The following ATN1 variants were observed in gnomAD, a reference collection of about 807,000 sequenced individuals.
ATN1 encodes the protein atrophin 1.
In ATN1, 19 loss-of-function variants were observed where a neutral mutation model predicts 85.8. That is an observed-to-expected ratio of 0.22 (90% CI 0.15 to 0.32). The LOEUF is 0.32. Among genes scored for constraint, ATN1 ranks in the 10% least tolerant of loss-of-function variants. ATN1 has a pLI of 1.00. For missense variants in ATN1, 1,453 were observed against 1,564.5 expected (o/e 0.93, Z 1.20); for synonymous variants, 674 against 657.0 (o/e 1.03, Z -0.39).
Position 6,935,842 on chromosome 12 carries a change from C to T in ATN1, c.575C>T (p.Thr192Ile). The T allele has an allele frequency of 6.2e-7, 1 of 1,613,952 alleles. No individual in the cohort carries two copies. Among genetic ancestry groups the T allele is most frequent in the Non-Finnish European group, 8.5e-7 (1 of 1,179,882 alleles). ...GAACCCCATCCTTCTGTGACACCCACTGGATATCATGCTCCCATGGAGCCC... is the reference window on the plus strand; with the variant it reads ...GAACCCCATCCTTCTGTGACACCCATTGGATATCATGCTCCCATGGAGCCC... ...SFEPHPSVTPTGYHAPMEPPT... is the reference protein window; with the variant it reads ...SFEPHPSVTPIGYHAPMEPPT... Residue 192 changes from threonine to isoleucine, a missense_variant, in exon 5 of 10, where the codon ACT becomes ATT. Physicochemically the swap from Thr to Ile is moderately conservative, Grantham distance 89 (BLOSUM62 -1). Coordinates refer to ENST00000396684, the MANE Select transcript of ATN1 (RefSeq NM_001940.4). The surrounding 1 kb of genome is among the most constrained non-coding windows in gnomAD (Gnocchi z 5.3).
In ATN1 at chr12:6,937,405, C is replaced by T. The variant is rs988352364; in HGVS notation, c.2138C>T (p.Ala713Val). 5.8e-6 allele frequency: 9 copies of T among 1,547,964 alleles called. No individual in the cohort carries two copies. The highest frequency in any genetic ancestry group is 7.8e-6 in the Non-Finnish European group (9 of 1,147,638). Reference protein sequence around the residue: ...SGLPSLPPPPAAPASGPPLSA... With the variant: ...SGLPSLPPPPVAPASGPPLSA... ...CTGCCATCGCTGCCACCACCACCTG[C>T]GGCCCCTGCCTCAGGGCCGCCCCTG... Residue 713 changes from alanine to valine, a missense_variant, in exon 5 of 10, where the codon GCG (alanine) becomes GTG (valine). Ala to Val is a moderately conservative substitution (Grantham distance 64, BLOSUM62 0). This residue lies in a region of ATN1 where 990 missense variants were observed against 914.8 expected (regional missense o/e 1.08). Transcript: ENST00000396684. The surrounding 1 kb of genome is among the most constrained non-coding windows in gnomAD (Gnocchi z 6.0).
intron 1 of ATN1, among the ~76,000 whole-genome samples, chr12:6,933,582 T>A (rs1555143237): frequency 6.6e-6 from 1 of 152,240 alleles, no homozygotes; most frequent in African/African-American, 2.4e-5. Flanking sequence ...TGTGATCTCC[T>A]GGATTGGGGC....
intron 7 of ATN1, among the ~76,000 whole-genome samples, chr12:6,939,611 C>T (rs1409080864): frequency 2.0e-5 from 3 of 152,196 alleles, no homozygotes; most frequent in Non-Finnish European, 4.4e-5. Context: ...AAGTGATCCT[C>T]CTACCTCAGC....
At chr12:6,927,749 T>C (rs781915751), upstream of ATN1, among the ~76,000 whole-genome samples, 163 of 150,456 alleles carry the variant, frequency 1.1e-3, 1 homozygote, top group Middle Eastern at 3.4e-3. Context: ...TCCTTCTCCC[T>C]CTTCCTCCCT....
At position 6,936,218 on chromosome 12, in the gene ATN1, C is replaced by T; in HGVS notation, c.951C>T (p.Pro317=). Residue 317 remains proline (P), a synonymous_variant, in exon 5 of 10, where the codon CCC becomes CCT. Coordinates refer to ENST00000396684, the MANE Select transcript of ATN1 (RefSeq NM_001940.4). ...CCCTCAACAATGCATCAGCCTCTCC[C>T]CCTGGCCTGGGGGCCCAACCACTAC... is the stretch of plus-strand genomic sequence containing the variant. The part of the protein sequence containing the change: ...LRPLNNASAS[P]PGLGAQPLPG... The T allele has an allele frequency of 6.2e-7, 1 of 1,600,510 alleles. No homozygotes were observed.
rs1203125758 is a variant in ATN1, at chr12:6,935,048, C to T, written c.279+470C>T. 2.0e-5 allele frequency among the ~76,000 whole-genome samples: 3 copies of T among 152,072 alleles called. No individual in the cohort carries two copies. Among genetic ancestry groups the T allele is most frequent in the Non-Finnish European group, 4.4e-5 (3 of 68,022 alleles). On this transcript the variant is annotated intron_variant, in intron 4 of 9. Coordinates refer to ENST00000396684, the MANE Select transcript of ATN1 (RefSeq NM_001940.4). This position sits in a 1 kb window ranked among gnomAD's most constrained non-coding sequence, Gnocchi z 5.3. ...GATTATAGGCATGAGCCACCATGCC[C>T]GGCTAATTTTTGTATTTTTGGTAGA...
chr12:6,930,261 T>G (rs1363470190), intron 1 of ATN1, among the ~76,000 whole-genome samples: 1 of 152,176 alleles, frequency 6.6e-6, no homozygotes, highest in South Asian at 2.1e-4. Context: ...GCTGCATTGT[T>G]ATCTAGGAGT....
chr12:6,937,661 T>C lies in ATN1; in HGVS notation c.2294+100T>C, dbSNP rs1945568452. On this transcript the variant is annotated intron_variant, in intron 5 of 9. Coordinates refer to ENST00000396684, the MANE Select transcript of ATN1 (RefSeq NM_001940.4). This position sits in a 1 kb window ranked among gnomAD's most constrained non-coding sequence, Gnocchi z 6.0. ...AGGGAGGGGCCTTGCGCTGGTGTAG[T>C]GTTTTAGAAAAGCACGCCCCTCTCC... is the stretch of plus-strand genomic sequence containing the variant. 1 of 1,429,190 alleles carries C rather than the reference T, an allele frequency of 7.0e-7. No homozygotes were observed. Among genetic ancestry groups the C allele is most frequent in the Non-Finnish European group, 9.2e-7 (1 of 1,089,714 alleles). The allele number at this position is 1,429,190 out of a possible 1,614,324, so 88.5% of individuals were successfully genotyped here.
At chr12:6,938,199 G>C in intron 6 of ATN1, 132 bp downstream of exon 6, 2 of 1,431,924 alleles carry the variant, frequency 1.4e-6, no homozygotes, top group Non-Finnish European at 9.1e-7. Flanking sequence ...ACCTGTCGGA[G>C]GGGAGGTACC....
At position 6,941,171 on chromosome 12, in the gene ATN1, G is replaced by C; in HGVS notation, c.3358+148G>C. The stretch of plus-strand genomic sequence containing the variant: ...ATGGGAATAGGAGAGCTGGAGCTCT[G>C]CCCAAGAGAAGCACGAGTTTTAGTG... On this transcript the variant is annotated intron_variant, in intron 8 of 9. Transcript: ENST00000396684. The surrounding 1 kb of genome is among the most constrained non-coding windows in gnomAD (Gnocchi z 5.9). 2 of 1,247,800 alleles carry C rather than the reference G, an allele frequency of 1.6e-6. No individual in the cohort carries two copies. The highest frequency in any genetic ancestry group is 2.2e-6 in the Non-Finnish European group (2 of 915,970). The allele number at this position is 1,247,800 out of a possible 1,614,324, so 77.3% of individuals were successfully genotyped here.
rs1555143880 is a variant in ATN1 at position 6,937,076 on chromosome 12, G to T, written c.1809G>T (p.Pro603=). 1.9e-6 allele frequency: 3 copies of T among 1,613,098 alleles called. No homozygotes were observed. The highest frequency in any genetic ancestry group is 2.2e-5 in the East Asian group (1 of 44,862). Residue 603 remains proline (P), a synonymous_variant, in exon 5 of 10, where the codon CCG becomes CCT. Transcript: ENST00000396684. This position sits in a 1 kb window ranked among gnomAD's most constrained non-coding sequence, Gnocchi z 6.0. ...GPQGAPYPFP[P]VPTVTTSSAT... ...AAGGGGCGCCCTACCCTTTCCCACCGGTGCCTACGGTCACCACCTCTTCGG... is the reference window on the plus strand; with the variant it reads ...AAGGGGCGCCCTACCCTTTCCCACCTGTGCCTACGGTCACCACCTCTTCGG...
At chr12:6,938,189 A>T in intron 6 of ATN1, 122 bp downstream of exon 6, 1 of 1,436,480 alleles carries the variant, frequency 7.0e-7, no homozygotes, top group South Asian at 1.5e-5. Context: ...TCACGTCGCC[A>T]CCTGTCGGAG....
In ATN1 at chr12:6,942,220, C is replaced by A; in HGVS notation, c.*440C>A. The A allele has an allele frequency of 6.0e-6, 1 of 167,678 alleles. No homozygotes were observed. The highest frequency in any genetic ancestry group is 1.3e-5 in the Non-Finnish European group (1 of 77,116). The allele number at this position is 167,678 out of a possible 1,614,324, so 10.4% of individuals were successfully genotyped here. On this transcript the variant is annotated 3_prime_UTR_variant, in exon 10 of 10. Coordinates refer to ENST00000396684, the MANE Select transcript of ATN1 (RefSeq NM_001940.4). The stretch of plus-strand genomic sequence containing the variant: ...GCAATGTATGCCCCTTGCCCCTTCC[C>A]CACACTAATAATTTATATATATAAA...
Position 6,938,689 on chromosome 12 carries a change from G to A in ATN1, c.2726G>A (p.Gly909Glu), listed in dbSNP as rs782040922. Residue 909 changes from glycine to glutamate, a missense_variant, in exon 7 of 10, where the codon GGG (glycine) becomes GAG (glutamate). Transcript: ENST00000396684. ...NRNHPFYVPL[G>E]AVDPGLLGYN... ...AACCATCCATTCTACGTGCCCCTGG[G>A]GGCAGTGGACCCGGGGCTCCTGGGT... The A allele has an allele frequency of 6.2e-7, 1 of 1,614,160 alleles. No homozygotes were observed. The highest frequency in any genetic ancestry group is 1.7e-5 in the Admixed American group (1 of 60,028).
Position 6,937,910 on chromosome 12 carries a change from T to C in ATN1, c.2360T>C (p.Leu787Pro), listed in dbSNP as rs782709744. 7 of 1,597,208 alleles carry C rather than the reference T, an allele frequency of 4.4e-6. No homozygotes were observed. The African/African-American group carries it at 9.4e-5, about 22-fold the overall frequency. Residue 787 changes from leucine (L) to proline (P), a missense_variant, in exon 6 of 10, where the codon CTG becomes CCG. By Grantham distance (98) the Leu-to-Pro change is moderately conservative (BLOSUM62 -3). Around this residue, in one of 6 missense-constraint regions of ATN1, gnomAD observed 990 missense variants for 914.8 expected, o/e 1.08. Coordinates refer to ENST00000396684, the MANE Select transcript of ATN1 (RefSeq NM_001940.4). The surrounding 1 kb of genome is among the most constrained non-coding windows in gnomAD (Gnocchi z 6.0). ...CARSDLYFVP[L>P]EGSKLAKKRA... ...CGCAGCGACCTGTACTTCGTGCCACTGGAGGGCTCCAAGCTGGCCAAGAAG... is the reference window on the plus strand; with the variant it reads ...CGCAGCGACCTGTACTTCGTGCCACCGGAGGGCTCCAAGCTGGCCAAGAAG...
In ATN1 at chr12:6,939,005, C is replaced by A. The variant is rs1555144328; in HGVS notation, c.3042C>A (p.Asp1014Glu). The A allele has an allele frequency of 2.5e-6, 4 of 1,612,442 alleles. No homozygotes were observed. Among genetic ancestry groups the A allele is most frequent in the Non-Finnish European group, 3.4e-6 (4 of 1,180,000 alleles). The change falls in exon 7 of 10, where the codon GAC (aspartate) becomes GAA (glutamate). Residue 1014 changes from aspartate to glutamate, a missense_variant. By Grantham distance (45) the Asp-to-Glu change is conservative (BLOSUM62 2). Transcript: ENST00000396684. The part of the protein sequence containing the change: ...ALAAGPALRP[D>E]MSYAERLAAE... ...CAGCTGGGCCAGCCCTGCGGCCTGA[C>A]ATGTCCTATGCTGAGCGGCTGGCAG...
rs1169332134 is a variant in ATN1, at chr12:6,928,109, G to A, written c.-438G>A. Among the ~76,000 whole-genome samples, 1 of 145,152 alleles carries A rather than the reference G, an allele frequency of 6.9e-6. No individual in the cohort carries two copies. The highest frequency in any genetic ancestry group is 2.5e-5 in the African/African-American group (1 of 40,308). On this transcript the variant is annotated 5_prime_UTR_variant, in exon 1 of 10. Coordinates refer to ENST00000396684, the MANE Select transcript of ATN1 (RefSeq NM_001940.4). ...CGGGCGGCGCGGCCCGGGGCATTCC[G>A]GGCGGCCAGGGGGAGGCGGCGAGCC... is the stretch of plus-strand genomic sequence containing the variant.
At position 6,937,148 on chromosome 12, in the gene ATN1, C is replaced by A. The variant is rs1555143896; in HGVS notation, c.1881C>A (p.Gly627=). 1.9e-6 allele frequency: 3 copies of A among 1,611,478 alleles called. No homozygotes were observed. The highest frequency in any genetic ancestry group is 2.2e-5 in the East Asian group (1 of 44,850). ...VIATVASSPA[G]YKTASPPGPP... is the part of the protein sequence containing the mutation. Reference sequence around the variant, plus strand: ...CCACCGTGGCTTCCTCGCCAGCAGGCTACAAAACGGCCTCCCCACCTGGGC... The same window carrying A: ...CCACCGTGGCTTCCTCGCCAGCAGGATACAAAACGGCCTCCCCACCTGGGC... The change falls in exon 5 of 10, where the codon GGC becomes GGA. Residue 627 remains glycine (G), a synonymous_variant. Coordinates refer to ENST00000396684, the MANE Select transcript of ATN1 (RefSeq NM_001940.4). The surrounding 1 kb of genome is among the most constrained non-coding windows in gnomAD (Gnocchi z 6.0).
At position 6,938,789 on chromosome 12, in the gene ATN1, C is replaced by T. The variant is rs1015273954; in HGVS notation, c.2826C>T (p.Leu942=). The T allele has an allele frequency of 6.2e-7, 1 of 1,613,988 alleles. No homozygotes were observed. The highest frequency in any genetic ancestry group is 8.5e-7 in the Non-Finnish European group (1 of 1,180,042). The part of the protein sequence containing the change: ...EREREARERD[L]RDRLKPGFEV... ...AACGGGAAGCCCGTGAACGAGACCT[C>T]CGTGACCGCCTCAAGCCTGGCTTTG... Residue 942 remains leucine, a synonymous_variant, in exon 7 of 10, where the codon CTC becomes CTT. Transcript: ENST00000396684.
Sources: gnomAD v4.1 joint callset for allele counts (sites outside exome capture counted in the v4.1 genomes callset) on GRCh38, gnomAD v4.1.1 for gene constraint, gnomAD v4.1.1 regional missense constraint, Gnocchi (gnomAD v3.1) non-coding constraint, MANE v1.5 for transcripts, NCBI Gene and HGNC (gene_info 2026-07-23, HGNC 2026-07-21) for gene names.